Variants in MEGF10 observed in about 807,000 individuals in gnomAD.
MEGF10 encodes multiple EGF like domains 10.
A neutral mutation model predicts 147.5 loss-of-function variants in MEGF10; 86 were observed. That is an observed-to-expected ratio of 0.58 (90% CI 0.49 to 0.70). MEGF10 has a LOEUF of 0.70. Among genes scored for constraint, MEGF10 ranks in the 30% least tolerant of loss-of-function variants. The probability of loss-of-function intolerance (pLI) is 0.00; values close to 1 mark genes in which losing one functional copy is unlikely to be tolerated. For synonymous variants in MEGF10, 478 were observed against 525.5 expected (o/e 0.91, Z 1.24); for missense variants, 1,329 against 1,487.3 (o/e 0.89, Z 1.75).
rs768844877 is a variant in MEGF10, at chr5:127,422,713, G to C, written c.1634G>C (p.Ser545Thr). ...GLNCAERCDC[S>T]HADGCHPTTG... is the part of the protein sequence containing the mutation. The stretch of plus-strand genomic sequence containing the variant: ...AACTGTGCTGAGCGCTGCGACTGCA[G>C]CCACGCAGATGGCTGCCACCCTACC... Residue 545 changes from serine (S) to threonine (T), a missense_variant, in exon 13 of 25, where the codon AGC becomes ACC. By Grantham distance (58) the Ser-to-Thr change is moderately conservative. This residue lies in a region of MEGF10 where 980 missense variants were observed against 1,085.9 expected (regional missense o/e 0.90). Coordinates refer to ENST00000503335, the MANE Select transcript of MEGF10 (RefSeq NM_001256545.2). The C allele has an allele frequency of 6.2e-7, 1 of 1,614,056 alleles. No individual in the cohort carries two copies. The highest frequency in any genetic ancestry group is 8.5e-7 in the Non-Finnish European group (1 of 1,179,988).
chr5:127,450,601 T>C (rs574563422), intron 22 of MEGF10, among the ~76,000 whole-genome samples: 2 of 152,158 alleles, frequency 1.3e-5, no homozygotes, highest in Admixed American at 6.5e-5. Context: ...CCAGTTAAAT[T>C]TGAATTTCAG....
intron 21 of MEGF10, among the ~76,000 whole-genome samples, chr5:127,448,661 A>G (rs1208854961): frequency 6.6e-6 from 1 of 152,226 alleles, no homozygotes; most frequent in Non-Finnish European, 1.5e-5. Flanking sequence ...ATTTATTCTC[A>G]TACAAATTCA....
Position 127,443,106 on chromosome 5 carries a change from A to G in MEGF10, c.2471A>G (p.Lys824Arg). ...ACCTGTTACTGCAGCCCCGGATGGA[A>G]GGGAGCGAGATGTGATCAAGGTAAA... ...TGTCYCSPGW[K>R]GARCDQAGVI... is the part of the protein sequence containing the mutation. The change falls in exon 19 of 25, where the codon AAG becomes AGG. Residue 824 changes from lysine (K) to arginine (R), a missense_variant. Lys to Arg is a conservative substitution (Grantham distance 26). Transcript: ENST00000503335. 1 of 1,613,592 alleles carries G rather than the reference A, an allele frequency of 6.2e-7. No individual in the cohort carries two copies. Among genetic ancestry groups the G allele is most frequent in the Non-Finnish European group, 8.5e-7 (1 of 1,179,620 alleles).
intron 10 of MEGF10, among the ~76,000 whole-genome samples, chr5:127,418,684 A>T (rs1764869193): frequency 6.6e-6 from 1 of 152,206 alleles, no homozygotes; most frequent in African/African-American, 2.4e-5. Flanking sequence ...GCTTTGCTTT[A>T]CCTACTAAAA....
intron 12 of MEGF10, among the ~76,000 whole-genome samples, chr5:127,421,946 G>T (rs369672251): frequency 1.5e-5 from 2 of 131,636 alleles, no homozygotes; most frequent in Non-Finnish European, 3.1e-5. Flanking sequence ...CCGAGATAGC[G>T]CCACTGCCGT....
chr5:127,251,696 C>T, the MEGF10 span, among the ~76,000 whole-genome samples: 12 of 151,860 alleles, frequency 7.9e-5, no homozygotes, highest in African/African-American at 4.8e-5. Flanking sequence ...CATAAAAGTA[C>T]TAGACATAGC....
At chr5:127,415,371 G>A (rs1764719610) in intron 9 of MEGF10, among the ~76,000 whole-genome samples, 1 of 151,700 alleles carries the variant, frequency 6.6e-6, no homozygotes, top group African/African-American at 2.4e-5. Flanking sequence ...TTTTTCTAAG[G>A]GTAGTGGGGA....
chr5:127,247,392 GAAGAAGAAGAAGAA>G, the MEGF10 span, among the ~76,000 whole-genome samples: 2 of 36,226 alleles, frequency 5.5e-5, no homozygotes, highest in African/African-American at 2.4e-4. Context: ...AGAAGAAGAA[GAAGAAGAAGAAGAA>G]GAAGAAGAAG....
chr5:127,248,645 T>A, the MEGF10 span, among the ~76,000 whole-genome samples: 1 of 151,754 alleles, frequency 6.6e-6, no homozygotes, highest in African/African-American at 2.4e-5. Flanking sequence ...AAAAACACAA[T>A]GATGGAAGAT....
At position 127,419,197 on chromosome 5, in the gene MEGF10, T is replaced by C. The variant is rs781683602; in HGVS notation, c.1383T>C (p.Asp461=). 1.2e-6 allele frequency: 2 copies of C among 1,614,200 alleles called. No individual in the cohort carries two copies. The highest frequency in any genetic ancestry group is 1.7e-6 in the Non-Finnish European group (2 of 1,180,022). The change falls in exon 11 of 25, where the codon GAT becomes GAC. Residue 461 remains aspartate (D), a synonymous_variant. Transcript: ENST00000503335. ...NCSSRCGCKN[D]AVCSPVDGSC... ...CCTCTCGCTGTGGCTGTAAAAATGA[T>C]GCAGTCTGCTCTCCTGTGGACGGGT... is the stretch of plus-strand genomic sequence containing the variant.
intron 5 of MEGF10, among the ~76,000 whole-genome samples, chr5:127,379,623 G>A (rs1465932608): frequency 2.3e-4 from 31 of 133,538 alleles, no homozygotes; most frequent in South Asian, 2.4e-4. Flanking sequence ...TTTTTGAGAC[G>A]GAGTCTCACT....
chr5:127,376,790 AG>A (rs1763047570), intron 5 of MEGF10, among the ~76,000 whole-genome samples: 1 of 152,230 alleles, frequency 6.6e-6, no homozygotes, highest in African/African-American at 2.4e-5. Flanking sequence ...TTTACAGATG[AG>A]GAAACGGAGG....
chr5:127,232,908 C>A, the MEGF10 span, among the ~76,000 whole-genome samples: 1 of 151,958 alleles, frequency 6.6e-6, no homozygotes, highest in Non-Finnish European at 1.5e-5. Flanking sequence ...GCTGTTGAGG[C>A]CTTGGACCCC....
At chr5:127,364,770 C>T (rs1238035945) in intron 4 of MEGF10, among the ~76,000 whole-genome samples, 2 of 152,184 alleles carry the variant, frequency 1.3e-5, no homozygotes, top group Non-Finnish European at 2.9e-5. Flanking sequence ...AATCTTCTGA[C>T]TCCTGACTCC....
At chr5:127,350,766 T>A (rs940864623) in intron 4 of MEGF10, among the ~76,000 whole-genome samples, 2 of 152,168 alleles carry the variant, frequency 1.3e-5, no homozygotes, top group African/African-American at 4.8e-5. Flanking sequence ...GTATATATAT[T>A]TTTTTCATTG....
At chr5:127,363,455 A>T (rs1333825569) in intron 4 of MEGF10, among the ~76,000 whole-genome samples, 1 of 152,168 alleles carries the variant, frequency 6.6e-6, no homozygotes, top group Non-Finnish European at 1.5e-5. Flanking sequence ...AGATTCAGCC[A>T]TGTCTTCACA....
the MEGF10 span, among the ~76,000 whole-genome samples, chr5:127,274,337 T>C: frequency 4.3e-4 from 66 of 152,184 alleles, no homozygotes; most frequent in South Asian, 1.4e-3. Context: ...AACCTGAAAA[T>C]GGACTAATAG....
At chr5:127,286,123 A>G (rs1311017173), upstream of MEGF10, among the ~76,000 whole-genome samples, 2 of 152,104 alleles carry the variant, frequency 1.3e-5, no homozygotes, top group African/African-American at 4.8e-5. Context: ...GAAGGTAGAA[A>G]GTGAAATAAT....
At chr5:127,457,085 C>A in intron 24 of MEGF10, 43 bp from the exon 25 acceptor site, 1 of 1,508,274 alleles carries the variant, frequency 6.6e-7, no homozygotes, top group Non-Finnish European at 8.9e-7. Flanking sequence ...TTTTTAAAAA[C>A]ATTTCCTTTG....
Sources: gnomAD v4.1 joint callset for allele counts (sites outside exome capture counted in the v4.1 genomes callset) on GRCh38, gnomAD v4.1.1 for gene constraint, gnomAD v4.1.1 regional missense constraint, MANE v1.5 for transcripts, NCBI Gene and HGNC (gene_info 2026-07-23, HGNC 2026-07-21) for gene names.